RHBDF1: variants seen among roughly 807,000 people sequenced by gnomAD.
RHBDF1 encodes the protein rhomboid 5 homolog 1.
Under a neutral mutation model 98.6 loss-of-function variants are expected in RHBDF1, and 80 were observed. The observed-to-expected ratio is 0.81, with a 90% CI of 0.68 to 0.98. The LOEUF (loss-of-function observed/expected upper bound fraction) is 0.98. Ranked by LOEUF, RHBDF1 falls within the 50% of genes least tolerant of loss-of-function variation. The pLI, the probability that RHBDF1 is intolerant of heterozygous loss-of-function variation, is 0.00. For synonymous variants in RHBDF1, 512 were observed against 486.8 expected, an observed-to-expected ratio of 1.05 and a Z score of -0.68; for missense variants, 1,116 against 1,198.3, an observed-to-expected ratio of 0.93 and a Z score of 1.01.
rs201803471 is a variant in RHBDF1, at chr16:64,915, T to C, written c.101A>G (p.Glu34Gly). ...AGGGCCTACCTGCAGGAAGCTGGGCTCTTCTGCCGTCAGGGGCACCGCAGA... is the reference window on the plus strand; with the variant it reads ...AGGGCCTACCTGCAGGAAGCTGGGCCCTTCTGCCGTCAGGGGCACCGCAGA... ...IPSAVPLTAE[E>G]PSFLQPLRRQ... Residue 34 changes from glutamate (E) to glycine (G), a missense_variant, in exon 2 of 18, where the codon GAG (glutamate) becomes GGG (glycine). Physicochemically the swap from Glu to Gly is moderately conservative, Grantham distance 98. Transcript: ENST00000262316. 53 of 1,606,462 alleles carry C rather than the reference T, an allele frequency of 3.3e-5. No individual in the cohort carries two copies. The highest frequency in any genetic ancestry group is 1.5e-4 in the Admixed American group (9 of 59,524).
chr16:60,389 C>G (rs564167440), intron 12 of RHBDF1, 50 bp downstream of exon 12: 61 of 1,598,602 alleles, frequency 3.8e-5, no homozygotes, highest in Non-Finnish European at 4.6e-5. Context: ...CCACAGCCCC[C>G]GGGGAAGGTG....
chr16:64,693 T>C lies in RHBDF1; in HGVS notation c.248+6A>G. On this transcript the variant is annotated splice_donor_region_variant and intron_variant, in intron 3 of 17. Coordinates refer to ENST00000262316, the MANE Select transcript of RHBDF1 (RefSeq NM_022450.5). The stretch of plus-strand genomic sequence containing the variant: ...ACCCCATGGAGCAGCTGGGCGGTGT[T>C]GGTACCTGCGGATGGTCTGTGTGAT... The C allele has an allele frequency of 6.2e-7, 1 of 1,606,206 alleles. No homozygotes were observed. Among genetic ancestry groups the C allele is most frequent in the Admixed American group, 1.7e-5 (1 of 59,728 alleles).
Position 60,552 on chromosome 16 carries a change from GA to G in RHBDF1, c.1558-14del. On this transcript the variant is annotated splice_polypyrimidine_tract_variant and intron_variant, in intron 11 of 17. Coordinates refer to ENST00000262316, the MANE Select transcript of RHBDF1 (RefSeq NM_022450.5). ...CTGCCAGCGTGGACTGTGGGAGGGG[GA>G]CACAGGGTCAGGTCCAGTTGGGTCA... 6.2e-7 allele frequency: 1 copy of G among 1,600,680 alleles called. No homozygotes were observed. The highest frequency in any genetic ancestry group is 8.5e-7 in the Non-Finnish European group (1 of 1,176,422).
chr16:58,188 G>A lies in RHBDF1; in HGVS notation c.*152C>T, dbSNP rs1422665447. ...GCCCGGCAGTACGAGGGGTTCAACAGAAGTGAACAAGGCACAAGAAAGAGG... is the reference window on the plus strand; with the variant it reads ...GCCCGGCAGTACGAGGGGTTCAACAAAAGTGAACAAGGCACAAGAAAGAGG... On this transcript the variant is annotated 3_prime_UTR_variant, in exon 18 of 18. Transcript: ENST00000262316. The A allele has an allele frequency of 4.4e-6, 3 of 687,200 alleles. 1 individual carries two copies. In the Admixed American group the frequency reaches 8.7e-5, roughly 20 times the overall value. 42.6% of individuals were successfully genotyped at this position (687,200 alleles called of 1,614,324 possible). A position where few individuals can be genotyped will look rare whatever the true frequency, so the allele number is the denominator to read the frequency against.
chr16:64,503 G>T, intron 3 of RHBDF1, 196 bp downstream of exon 3: 1 of 1,538,778 alleles, frequency 6.5e-7, no homozygotes, highest in Non-Finnish European at 8.8e-7. Context: ...CTGAAGAGAA[G>T]GGAGTGGAGC....
chr16:63,766 T>C lies in RHBDF1; in HGVS notation c.283A>G (p.Ser95Gly). The C allele has an allele frequency of 3.7e-6, 6 of 1,613,952 alleles. No homozygotes were observed. Among genetic ancestry groups the C allele is most frequent in the East Asian group, 2.2e-5 (1 of 44,874 alleles). The change falls in exon 4 of 18, where the codon AGT (serine) becomes GGT (glycine). Residue 95 changes from serine to glycine, a missense_variant. Physicochemically the swap from Ser to Gly is moderately conservative, Grantham distance 56. Coordinates refer to ENST00000262316, the MANE Select transcript of RHBDF1 (RefSeq NM_022450.5). ...TADWFGVSKD[S>G]DSTQKWQRKS... ...CGCTGCCATTTCTGGGTGCTGTCAC[T>C]GTCCTTGCTCACTCCAAACCAGTCG...
At chr16:70,285 G>A (rs951462932) in intron 1 of RHBDF1, among the ~76,000 whole-genome samples, 15 of 152,218 alleles carry the variant, frequency 9.9e-5, no homozygotes, top group African/African-American at 2.7e-4. Flanking sequence ...GGTCTCAGGA[G>A]TTAGGCGAAA....
At chr16:68,615 C>T (rs1157076691) in intron 1 of RHBDF1, among the ~76,000 whole-genome samples, 4 of 152,160 alleles carry the variant, frequency 2.6e-5, no homozygotes, top group Non-Finnish European at 5.9e-5. Context: ...CAGGCCCAGC[C>T]CCATCAGGAG....
upstream of RHBDF1, chr16:73,930 G>A: frequency 1.0e-6 from 1 of 985,308 alleles, no homozygotes; most frequent in Non-Finnish European, 1.2e-6. Flanking sequence ...GTAGATCCCA[G>A]AGCCTGGGCA....
rs1188201631 is a variant in RHBDF1, at chr16:61,208, C to A, written c.1469G>T (p.Arg490Leu). Residue 490 changes from arginine (R) to leucine (L), a missense_variant, in exon 11 of 18, where the codon CGC becomes CTC. Coordinates refer to ENST00000262316, the MANE Select transcript of RHBDF1 (RefSeq NM_022450.5). ...RQDPQVHSFIRSAREREKHSA... is the reference protein window; with the variant it reads ...RQDPQVHSFILSAREREKHSA... ...GTGCTTCTCGCGCTCGCGCGCCGAG[C>A]GAATGAAGCTGTGCACCTGCGGGTC... is the stretch of plus-strand genomic sequence containing the variant. 1 of 1,545,176 alleles carries A rather than the reference C, an allele frequency of 6.5e-7. No homozygotes were observed. Among genetic ancestry groups the A allele is most frequent in the African/African-American group, 1.4e-5 (1 of 73,124 alleles).
rs768423023 is a variant in RHBDF1 at position 63,891 on chromosome 16, C to T, written c.249-91G>A. On this transcript the variant is annotated intron_variant, in intron 3 of 17. Transcript: ENST00000262316. ...CCCTCCTCCGGGGCAGCATGCTGCC[C>T]CCAGGCCTGTAGTCACTCCAGGGAC... is the stretch of plus-strand genomic sequence containing the variant. The T allele has an allele frequency of 2.8e-6, 3 of 1,082,752 alleles. No homozygotes were observed. The East Asian group carries it at 7.7e-5, about 28-fold the overall frequency. The allele number at this position is 1,082,752 out of a possible 1,614,324, so 67.1% of individuals were successfully genotyped here.
intron 4 of RHBDF1, 46 bp from the exon 5 acceptor site, chr16:63,228 T>G: frequency 2.7e-6 from 4 of 1,468,682 alleles, no homozygotes; most frequent in Non-Finnish European, 2.8e-6. Flanking sequence ...TGGGGGCTCC[T>G]AGCTCACCCA....
In RHBDF1 at chr16:59,302, G is replaced by A. The variant is rs200659810; in HGVS notation, c.1941C>T (p.Pro647=). ...DVCGLLPFLN[P]EVPDQFYRLW... Reference sequence around the variant, plus strand: ...GGCGGTAGAACTGGTCAGGCACCTCGGGGTTGAGAAAAGGCAGGAGCCCAC... The same window carrying A: ...GGCGGTAGAACTGGTCAGGCACCTCAGGGTTGAGAAAAGGCAGGAGCCCAC... Residue 647 remains proline, a synonymous_variant, in exon 16 of 18, where the codon CCC becomes CCT. Transcript: ENST00000262316. 11 of 1,611,798 alleles carry A rather than the reference G, an allele frequency of 6.8e-6. No homozygotes were observed. The highest frequency in any genetic ancestry group is 3.3e-5 in the South Asian group (3 of 90,760).
intron 17 of RHBDF1, 99 bp from the exon 18 acceptor site, chr16:58,858 T>C: frequency 6.4e-7 from 1 of 1,552,196 alleles, no homozygotes; most frequent in South Asian, 1.2e-5. Context: ...GCCCAGAGCA[T>C]ATTGGGACCG....
rs1897693493 is a variant in RHBDF1, at chr16:62,896, C to T, written c.674G>A (p.Gly225Asp). 6.2e-7 allele frequency: 1 copy of T among 1,613,692 alleles called. No homozygotes were observed. Among genetic ancestry groups the T allele is most frequent in the South Asian group, 1.1e-5 (1 of 91,090 alleles). ...SFRAAAALMK[G>D]RSVRDGTFRR... ...AAAGGTGCCATCCCTAACGGAGCGG[C>T]CCTGGGGACGGGGAAGTGAGCATGA... Residue 225 changes from glycine (G) to aspartate (D), a missense_variant and splice_region_variant, in exon 6 of 18, where the codon GGC becomes GAC. Transcript: ENST00000262316.
intron 14 of RHBDF1, 24 bp from the exon 15 acceptor site, chr16:59,518 G>A (rs755150337): frequency 8.7e-6 from 14 of 1,607,312 alleles, no homozygotes; most frequent in Non-Finnish European, 1.1e-5. Flanking sequence ...CCAGGGTTCG[G>A]AGACTGCTGC....
chr16:72,571 T>G lies in RHBDF1; in HGVS notation c.-83A>C. ...GCGCCGGGGAGGAGGCTGCCGCCGCTGGCCGGGAGGGCCCGCGCCGAGTCC... is the reference window on the plus strand; with the variant it reads ...GCGCCGGGGAGGAGGCTGCCGCCGCGGGCCGGGAGGGCCCGCGCCGAGTCC... On this transcript the variant is annotated 5_prime_UTR_variant, in exon 1 of 18. Transcript: ENST00000262316. 1 of 850,638 alleles carries G rather than the reference T, an allele frequency of 1.2e-6. No individual in the cohort carries two copies. Among genetic ancestry groups the G allele is most frequent in the Middle Eastern group, 6.0e-4 (1 of 1,676 alleles). 52.7% of individuals were successfully genotyped at this position (850,638 alleles called of 1,614,324 possible).
chr16:60,970 G>T, intron 11 of RHBDF1, 150 bp downstream of exon 11: 2 of 797,282 alleles, frequency 2.5e-6, no homozygotes, highest in Non-Finnish European at 3.9e-6. Flanking sequence ...GGGTGGGGAT[G>T]AGGAGGAATG....
upstream of RHBDF1, chr16:73,958 T>C: frequency 1.0e-6 from 1 of 985,280 alleles, no homozygotes; most frequent in South Asian, 4.7e-5. Flanking sequence ...CCTGCCCATA[T>C]CCTTGTCCAT....
Sources: allele counts gnomAD v4.1 joint callset (sites outside exome capture counted in the v4.1 genomes callset), GRCh38; gene constraint gnomAD v4.1.1; transcripts MANE v1.5; gene names NCBI Gene and HGNC (gene_info 2026-07-23, HGNC 2026-07-21).